IGSF10: variants seen among roughly 807,000 people sequenced by gnomAD.
IGSF10 encodes calvaria mechanical force protein 608.
A neutral mutation model predicts 128.2 loss-of-function variants in IGSF10; 126 were observed. The ratio of observed to expected loss-of-function variants is 0.98; its 90% CI spans 0.85 to 1.14. The LOEUF (loss-of-function observed/expected upper bound fraction) is 1.14. Among genes scored for constraint, IGSF10 ranks in the 50% most tolerant of loss-of-function variants. The pLI is 0.00. For synonymous variants in IGSF10, 1,185 were observed against 1,146.2 expected (o/e 1.03, Z -0.68); for missense variants, 3,295 against 3,149.8 (o/e 1.05, Z -1.10).
chr3:151,490,475 A>G, the IGSF10 span, among the ~76,000 whole-genome samples: 5 of 150,936 alleles, frequency 3.3e-5, no homozygotes, highest in Non-Finnish European at 5.9e-5. Flanking sequence ...TAGACAGAAA[A>G]TTAATATGAG....
At chr3:151,480,294 C>T in the IGSF10 span, among the ~76,000 whole-genome samples, 1 of 152,124 alleles carries the variant, frequency 6.6e-6, no homozygotes, top group Non-Finnish European at 1.5e-5. Context: ...ACCTTTCCCT[C>T]ACTACCTCCA....
At position 151,436,509 on chromosome 3, in the gene IGSF10, A is replaced by C; in HGVS notation, c.*180T>G. On this transcript the variant is annotated 3_prime_UTR_variant, in exon 8 of 8. Transcript: ENST00000282466. The stretch of plus-strand genomic sequence containing the variant: ...AAAAGTTTGTTTTGAGATCCATTAA[A>C]TAAATCAGTATCATCAGTTCATAAT... 1 of 493,590 alleles carries C rather than the reference A, an allele frequency of 2.0e-6. No homozygotes were observed. The highest frequency in any genetic ancestry group is 3.5e-6 in the Non-Finnish European group (1 of 285,952). 30.6% of individuals were successfully genotyped at this position (493,590 alleles called of 1,614,324 possible).
chr3:151,617,320 C>CTTCTTCTTCTTCTCCT, the IGSF10 span, among the ~76,000 whole-genome samples: 52 of 83,626 alleles, frequency 6.2e-4, 5 homozygotes, highest in Admixed American at 3.6e-3. Flanking sequence ...CTTCTTCTTC[C>CTTCTTCTTCTTCTCCT]CCTCCTCCTC....
At chr3:151,442,577 T>G (rs933075552) in intron 7 of IGSF10, among the ~76,000 whole-genome samples, 2 of 139,672 alleles carry the variant, frequency 1.4e-5, no homozygotes, top group Non-Finnish European at 1.5e-5. Flanking sequence ...TTAGTAGAGA[T>G]AGGGTTTCAC....
the IGSF10 span, among the ~76,000 whole-genome samples, chr3:151,572,670 C>A: frequency 6.6e-6 from 1 of 152,104 alleles, no homozygotes; most frequent in Non-Finnish European, 1.5e-5. Flanking sequence ...AAAAAAACAG[C>A]TTCTGGATTC....
the IGSF10 span, among the ~76,000 whole-genome samples, chr3:151,516,540 C>T: frequency 9.2e-5 from 14 of 152,030 alleles, no homozygotes; most frequent in African/African-American, 3.4e-4. Flanking sequence ...ATGGCACGGA[C>T]GTTGCCTCAT....
chr3:151,446,213 T>G lies in IGSF10; in HGVS notation c.3768A>C (p.Ser1256=), dbSNP rs1721178347. 6.2e-7 allele frequency: 1 copy of G among 1,613,576 alleles called. No individual in the cohort carries two copies. Among genetic ancestry groups the G allele is most frequent in the Admixed American group, 1.7e-5 (1 of 60,018 alleles). ...TAGATGGAATTTGCATCACACTTGTTGAAAGTGTGGTGAAATGGAAAGGGG... is the reference window on the plus strand; with the variant it reads ...TAGATGGAATTTGCATCACACTTGTGGAAAGTGTGGTGAAATGGAAAGGGG... ...KVSPFHFTTL[S]TSVMQIPSNT... The change falls in exon 6 of 8, where the codon TCA becomes TCC. Residue 1256 remains serine (S), a synonymous_variant. Coordinates refer to ENST00000282466, the MANE Select transcript of IGSF10 (RefSeq NM_178822.5).
At chr3:151,505,678 A>G in the IGSF10 span, among the ~76,000 whole-genome samples, 2 of 152,218 alleles carry the variant, frequency 1.3e-5, no homozygotes, top group Non-Finnish European at 2.9e-5. Flanking sequence ...ACAACACTGC[A>G]CTGAATTGCA....
intron 7 of IGSF10, among the ~76,000 whole-genome samples, chr3:151,442,414 C>G (rs1235326071): frequency 7.1e-6 from 1 of 140,604 alleles, no homozygotes; most frequent in Non-Finnish European, 1.5e-5. Context: ...AAGTCTCACT[C>G]TGTTGCCTAG....
the IGSF10 span, among the ~76,000 whole-genome samples, chr3:151,520,965 C>T: frequency 2.6e-5 from 4 of 151,190 alleles, no homozygotes; most frequent in African/African-American, 9.7e-5. Flanking sequence ...AAGCAATATC[C>T]AATAGTCTTT....
the IGSF10 span, among the ~76,000 whole-genome samples, chr3:151,595,214 C>A: frequency 6.6e-6 from 1 of 152,012 alleles, no homozygotes; most frequent in Admixed American, 6.6e-5. Flanking sequence ...GGAGGTTACT[C>A]AAAAAATTAG....
the IGSF10 span, among the ~76,000 whole-genome samples, chr3:151,559,557 G>C: frequency 2.0e-5 from 3 of 152,012 alleles, no homozygotes; most frequent in Non-Finnish European, 4.4e-5. Context: ...TGTATATCTA[G>C]GAAAATTTCT....
chr3:151,608,500 T>A, the IGSF10 span, among the ~76,000 whole-genome samples: 2 of 152,242 alleles, frequency 1.3e-5, no homozygotes, highest in African/African-American at 4.8e-5. Flanking sequence ...GTCCATAGTT[T>A]ATGCTTTTCT....
the IGSF10 span, among the ~76,000 whole-genome samples, chr3:151,610,478 T>C: frequency 6.6e-6 from 1 of 152,178 alleles, no homozygotes; most frequent in Non-Finnish European, 1.5e-5. Flanking sequence ...AGTTTATAGG[T>C]GTGATAGCTA....
chr3:151,528,508 T>G, the IGSF10 span, among the ~76,000 whole-genome samples: 1 of 152,172 alleles, frequency 6.6e-6, no homozygotes, highest in Non-Finnish European at 1.5e-5. Flanking sequence ...GGTACCCTGT[T>G]CATCTCACTG....
the IGSF10 span, among the ~76,000 whole-genome samples, chr3:151,533,949 A>C: frequency 0.013 from 2,019 of 152,316 alleles, 96 homozygotes; most frequent in East Asian, 0.17. Flanking sequence ...AACTTAAACA[A>C]ATTTACAAGA....
chr3:151,584,185 T>C, the IGSF10 span, among the ~76,000 whole-genome samples: 1 of 152,218 alleles, frequency 6.6e-6, no homozygotes, highest in Non-Finnish European at 1.5e-5. Flanking sequence ...TTGATCCTTT[T>C]ATTATTATGA....
chr3:151,514,688 A>G, the IGSF10 span, among the ~76,000 whole-genome samples: 1 of 152,144 alleles, frequency 6.6e-6, no homozygotes, highest in African/African-American at 2.4e-5. Flanking sequence ...GCAACTTACA[A>G]AATGGGAGAA....
the IGSF10 span, among the ~76,000 whole-genome samples, chr3:151,591,612 T>C: frequency 2.6e-5 from 4 of 151,866 alleles, no homozygotes; most frequent in African/African-American, 9.7e-5. Context: ...GGAGTTGAAC[T>C]ACACCTGGAT....
Sources: allele counts gnomAD v4.1 joint callset (sites outside exome capture counted in the v4.1 genomes callset), GRCh38; gene constraint gnomAD v4.1.1; transcripts MANE v1.5; gene names NCBI Gene and HGNC (gene_info 2026-07-23, HGNC 2026-07-21).